The following ZSCAN18 variants were observed in gnomAD, a reference collection of about 807,000 sequenced individuals.
ZSCAN18 encodes zinc finger and SCAN domain-containing protein 18.
Under a neutral mutation model 31.1 loss-of-function variants are expected in ZSCAN18, and 16 were observed. That is an observed-to-expected ratio of 0.51 (90% CI 0.35 to 0.78). The LOEUF (loss-of-function observed/expected upper bound fraction) is 0.78, where lower values mean the gene tolerates loss of function less well. Ranked by LOEUF, ZSCAN18 falls within the 30% of genes least tolerant of loss-of-function variation. The pLI is 0.01. For synonymous variants in ZSCAN18, 375 were observed against 320.7 expected, an observed-to-expected ratio of 1.17 and a Z score of -1.81; for missense variants, 731 against 697.4, an observed-to-expected ratio of 1.05 and a Z score of -0.54.
intron 1 of ZSCAN18, among the ~76,000 whole-genome samples, chr19:58,111,296 GT>G (rs923158231): frequency 7.9e-5 from 12 of 152,066 alleles, no homozygotes; most frequent in Admixed American, 1.3e-4. Flanking sequence ...TCTTGGACTT[GT>G]CATTCAACAG....
intron 1 of ZSCAN18, among the ~76,000 whole-genome samples, chr19:58,105,339 A>T (rs992472616): frequency 7.2e-5 from 11 of 152,238 alleles, no homozygotes; most frequent in Non-Finnish European, 1.6e-4. Context: ...CCAAGGAGTA[A>T]TAATTTTGCC....
intron 1 of ZSCAN18, among the ~76,000 whole-genome samples, chr19:58,106,631 G>A (rs1394533366): frequency 3.0e-5 from 1 of 32,976 alleles, no homozygotes; most frequent in Non-Finnish European, 9.1e-5. Context: ...GTGAACCCGG[G>A]AGGCGGAGCT....
intron 1 of ZSCAN18, among the ~76,000 whole-genome samples, chr19:58,111,956 C>T (rs8109925): frequency 0.76 from 115,893 of 152,168 alleles, 44,858 homozygotes; most frequent in Non-Finnish European, 0.85. Context: ...GAAAAAAACA[C>T]GACCATCTCA....
chr19:58,086,742 G>A (rs1207112923), intron 5 of ZSCAN18, 164 bp downstream of exon 5: 1 of 594,582 alleles, frequency 1.7e-6, no homozygotes, highest in Non-Finnish European at 3.0e-6. Flanking sequence ...ATCAGAAAGG[G>A]TGGGGGCTTC....
chr19:58,089,414 T>G (rs1435231355), intron 2 of ZSCAN18, among the ~76,000 whole-genome samples: 1 of 145,160 alleles, frequency 6.9e-6, no homozygotes, highest in Non-Finnish European at 1.5e-5. Context: ...GATCACGAGG[T>G]CAGGAGATTG....
chr19:58,114,560 TATATACACA>T (rs1414877954), intron 1 of ZSCAN18, among the ~76,000 whole-genome samples: 1 of 152,080 alleles, frequency 6.6e-6, no homozygotes, highest in African/African-American at 2.4e-5. Flanking sequence ...ATTATATAAA[TATATACACA>T]ATATACACAT....
chr19:58,090,796 G>T lies in ZSCAN18; in HGVS notation c.-119-410C>A. Among the ~76,000 whole-genome samples, 1 of 151,504 alleles carries T rather than the reference G, an allele frequency of 6.6e-6. No homozygotes were observed. The highest frequency in any genetic ancestry group is 2.0e-4 in the East Asian group (1 of 5,066). On this transcript the variant is annotated intron_variant, in intron 1 of 6. Coordinates refer to ENST00000601144, the MANE Select transcript of ZSCAN18 (RefSeq NM_001145543.2). The surrounding 1 kb of genome is among the most constrained non-coding windows in gnomAD (Gnocchi z 4.7). ...GTGGAGATGGGGTTTCACCATGTTG[G>T]CCAGGCTGGTCTCAAACTCCTGACC...
At chr19:58,099,577 G>GT (rs1384827067), upstream of ZSCAN18, among the ~76,000 whole-genome samples, 10 of 152,052 alleles carry the variant, frequency 6.6e-5, no homozygotes, top group African/African-American at 1.2e-4. Context: ...TTCTGTGAAC[G>GT]TAAGTTTTCA....
chr19:58,093,406 A>C (rs1307919654), intron 1 of ZSCAN18: 4 of 152,142 alleles, frequency 2.6e-5, no homozygotes, highest in African/African-American at 9.7e-5. Flanking sequence ...GATCTATTTA[A>C]AGGACATATG....
upstream of ZSCAN18, among the ~76,000 whole-genome samples, chr19:58,102,876 A>G (rs2074606447): frequency 6.6e-6 from 1 of 152,202 alleles, no homozygotes; most frequent in Non-Finnish European, 1.5e-5. Context: ...TCACACCTGT[A>G]ATCTCAGCAC....
At chr19:58,085,549 G>A in intron 6 of ZSCAN18, 170 bp from the exon 7 acceptor site, 1 of 610,632 alleles carries the variant, frequency 1.6e-6, no homozygotes, top group Non-Finnish European at 2.8e-6. Context: ...GCCCTGCAGC[G>A]CATGCCCCGC....
At chr19:58,086,347 G>A (rs2074280328) in intron 5 of ZSCAN18, 81 bp from the exon 6 acceptor site, 1 of 1,323,892 alleles carries the variant, frequency 7.6e-7, no homozygotes, top group Middle Eastern at 1.9e-4. Flanking sequence ...GGGCCAGCCA[G>A]GGCAGGCTGC....
intron 1 of ZSCAN18, chr19:58,108,014 T>C (rs751783280): frequency 9.7e-5 from 100 of 1,026,042 alleles, no homozygotes; most frequent in Non-Finnish European, 1.1e-4. Context: ...CCACAGACCT[T>C]CTCACCAGTA....
intron 2 of ZSCAN18, among the ~76,000 whole-genome samples, chr19:58,089,194 T>C (rs1007759742): frequency 7.6e-5 from 11 of 145,288 alleles, no homozygotes; most frequent in Non-Finnish European, 1.5e-4. Flanking sequence ...TCCCAGCTAC[T>C]TGGGAGGCTG....
intron 1 of ZSCAN18, among the ~76,000 whole-genome samples, chr19:58,112,413 G>A (rs2074690842): frequency 6.6e-6 from 1 of 152,042 alleles, no homozygotes; most frequent in South Asian, 2.1e-4. Flanking sequence ...CACTTTGGGA[G>A]GCCGAGGTGG....
chr19:58,087,335 C>G lies in ZSCAN18; in HGVS notation c.623G>C (p.Gly208Ala), dbSNP rs1330565757. Residue 208 changes from glycine (G) to alanine (A), a missense_variant, in exon 4 of 7, where the codon GGC becomes GCC. This residue lies in a region of ZSCAN18 where 597 missense variants were observed against 499.5 expected (regional missense o/e 1.20). Transcript: ENST00000601144. ...RVREAKTEED[G>A]PANTEQKLKS... The stretch of plus-strand genomic sequence containing the variant: ...ACCCACCTGCTCGGTGTTGGCAGGG[C>G]CGTCCTCTTCGGTCTTTGCTTCTCT... 9 of 1,606,538 alleles carry G rather than the reference C, an allele frequency of 5.6e-6. No individual in the cohort carries two copies. Among genetic ancestry groups the G allele is most frequent in the Non-Finnish European group, 6.8e-6 (8 of 1,176,556 alleles).
At chr19:58,086,077 T>C (rs1410041395) in intron 6 of ZSCAN18, 97 bp downstream of exon 6, 1 of 976,248 alleles carries the variant, frequency 1.0e-6, no homozygotes, top group African/African-American at 1.6e-5. Context: ...AATGCTGAGG[T>C]CTTTGCTGGG....
At position 58,089,862 on chromosome 19, in the gene ZSCAN18, C is replaced by T; in HGVS notation, c.403+3G>A. 2 of 1,605,274 alleles carry T rather than the reference C, an allele frequency of 1.2e-6. No individual in the cohort carries two copies. The highest frequency in any genetic ancestry group is 1.7e-6 in the Non-Finnish European group (2 of 1,174,400). On this transcript the variant is annotated splice_donor_region_variant and intron_variant, in intron 2 of 6. Transcript: ENST00000601144. ...GCCATGCTTCTCCTCTGTGACAGCCCACCTGGCTCTTCCAGGACATCAGCG... is the reference window on the plus strand; with the variant it reads ...GCCATGCTTCTCCTCTGTGACAGCCTACCTGGCTCTTCCAGGACATCAGCG...
chr19:58,095,354 G>A (rs913593388), intron 1 of ZSCAN18, among the ~76,000 whole-genome samples: 5 of 152,212 alleles, frequency 3.3e-5, no homozygotes, highest in African/African-American at 1.2e-4. Flanking sequence ...TCCCAGAGGG[G>A]TAGGAACCAC....
Sources: gnomAD v4.1 joint callset for allele counts (sites outside exome capture counted in the v4.1 genomes callset) on GRCh38, gnomAD v4.1.1 for gene constraint, gnomAD v4.1.1 regional missense constraint, Gnocchi (gnomAD v3.1) non-coding constraint, MANE v1.5 for transcripts, NCBI Gene and HGNC (gene_info 2026-07-23, HGNC 2026-07-21) for gene names.